LIMCH1: variants seen among roughly 807,000 people sequenced by gnomAD.
The protein encoded by LIMCH1 is LIM and calponin homology domains 1.
Under a neutral mutation model 176.5 loss-of-function variants are expected in LIMCH1, and 113 were observed. The observed-to-expected ratio is 0.64, with a 90% CI of 0.55 to 0.75. The LOEUF (loss-of-function observed/expected upper bound fraction) is 0.75. LIMCH1 is among the 30% of genes least tolerant of loss of function. The pLI, the probability that LIMCH1 is intolerant of heterozygous loss-of-function variation, is 0.00. For missense variants in LIMCH1, 1,674 were observed against 1,814.9 expected (o/e 0.92, Z 1.41); for synonymous variants, 619 against 645.9 (o/e 0.96, Z 0.63).
chr4:41,637,189 C>CT (rs369383721), intron 13 of LIMCH1, among the ~76,000 whole-genome samples: 1 of 112,518 alleles, frequency 8.9e-6, no homozygotes, highest in Non-Finnish European at 2.0e-5. Flanking sequence ...TTTCCTTTTC[C>CT]TTTCCTTTCC....
rs1302547339 is a variant in LIMCH1 at position 41,460,455 on chromosome 4, C to CATATATATATATATATATATATATATAT, written c.97-34079_97-34078insATATATATATATATATATATATATATAT. On this transcript the variant is annotated intron_variant, in intron 1 of 26. Transcript: ENST00000313860. ...GGTAAATTTGTTCCACTATAGTAAT[C>CATATATATATATATATATATATATATAT]ATCTATATATATATATATATATATC... Among the ~76,000 whole-genome samples the CATATATATATATATATATATATATATAT allele has an allele frequency of 2.8e-4, 26 of 92,158 alleles. 1 individual carries two copies. Among genetic ancestry groups the CATATATATATATATATATATATATATAT allele is most frequent in the Non-Finnish European group, 3.8e-4 (19 of 49,644 alleles). The allele number at this position is 92,158 out of a possible 152,430, so 60.5% of individuals were successfully genotyped here.
intron 1 of LIMCH1, among the ~76,000 whole-genome samples, chr4:41,547,244 G>GGAAC (rs2079564613): frequency 6.6e-6 from 1 of 152,016 alleles, no homozygotes; most frequent in South Asian, 2.1e-4. Flanking sequence ...ATAGATCACT[G>GGAAC]GAACATACTC....
intron 23 of LIMCH1, among the ~76,000 whole-genome samples, chr4:41,677,760 C>T (rs1472557714): frequency 1.3e-5 from 2 of 152,094 alleles, no homozygotes; most frequent in African/African-American, 4.8e-5. Context: ...GGTGTCAAGA[C>T]CAGATTCAAA....
Position 41,450,582 on chromosome 4 carries a change from A to G in LIMCH1, c.97-43954A>G, listed in dbSNP as rs1252151920. The stretch of plus-strand genomic sequence containing the variant: ...TTTGGGAGGCTGAGGCGGGCGGATC[A>G]CTTGAGGTCAGGAGTTCGCCTGGTC... On this transcript the variant is annotated intron_variant, in intron 1 of 26. Coordinates refer to the LIMCH1 transcript ENST00000313860. Among the ~76,000 whole-genome samples, 3 of 152,004 alleles carry G rather than the reference A, an allele frequency of 2.0e-5. No homozygotes were observed. In the South Asian group the frequency reaches 6.3e-4, roughly 32 times the overall value.
In LIMCH1 at chr4:41,406,429, G is replaced by A. The variant is rs576786404; in HGVS notation, c.96+45493G>A. 3.3e-5 allele frequency among the ~76,000 whole-genome samples: 5 copies of A among 152,232 alleles called. No individual in the cohort carries two copies. In the South Asian group the frequency reaches 6.2e-4, roughly 19 times the overall value. Reference sequence around the variant, plus strand: ...CTGTGTACTTAGAGGGCTGACTGACGCACAGGGAAATATTTCACCATGAAT... The same window carrying A: ...CTGTGTACTTAGAGGGCTGACTGACACACAGGGAAATATTTCACCATGAAT... On this transcript the variant is annotated intron_variant, in intron 1 of 26. Coordinates refer to the LIMCH1 transcript ENST00000313860.
At chr4:41,622,645 T>C (rs2092670631) in intron 7 of LIMCH1, among the ~76,000 whole-genome samples, 1 of 152,190 alleles carries the variant, frequency 6.6e-6, no homozygotes, top group African/African-American at 2.4e-5. Flanking sequence ...ACGTTTATTT[T>C]ATTAAAAACT....
chr4:41,694,374 G>C lies in LIMCH1; in HGVS notation c.4378+1990G>C, dbSNP rs562592976. Among the ~76,000 whole-genome samples, 18 of 152,258 alleles carry C rather than the reference G, an allele frequency of 1.2e-4. No homozygotes were observed. In the South Asian group the frequency reaches 3.7e-3, roughly 32 times the overall value. On this transcript the variant is annotated intron_variant, in intron 31 of 31. Coordinates refer to ENST00000503057, the MANE Select transcript of LIMCH1 (RefSeq NM_001330672.2). ...TGGGGTAGGGGCAGAATATATGTTT[G>C]TACATGTGTATGCACACACTTGCAC...
rs771875622 is a variant in LIMCH1 at position 41,662,891 on chromosome 4, C to T, written c.3198C>T (p.Ser1066=). The T allele has an allele frequency of 6.2e-7, 1 of 1,613,938 alleles. No individual in the cohort carries two copies. The highest frequency in any genetic ancestry group is 1.7e-5 in the Admixed American group (1 of 59,992). The change falls in exon 20 of 32, where the codon AGC becomes AGT. Residue 1066 remains serine, a synonymous_variant. Transcript: ENST00000503057. ...TGGCCTTTGTGGAATTTCCCTCCAG[C>T]CCCCAGCTGAAGAATGATGTGTCGG... is the stretch of plus-strand genomic sequence containing the variant. ...PTVAFVEFPS[S]PQLKNDVSEE... is the part of the protein sequence containing the mutation.
intron 3 of LIMCH1, among the ~76,000 whole-genome samples, chr4:41,526,868 G>T (rs1308872516): frequency 6.6e-6 from 1 of 152,172 alleles, no homozygotes; most frequent in Non-Finnish European, 1.5e-5. Context: ...CTACTTGTCT[G>T]CATTTCCTTG....
intron 1 of LIMCH1, among the ~76,000 whole-genome samples, chr4:41,596,552 A>G (rs925118008): frequency 2.6e-5 from 4 of 152,256 alleles, no homozygotes; most frequent in Non-Finnish European, 5.9e-5. Flanking sequence ...ATTTAAATTC[A>G]GCGACAGGAT....
chr4:41,532,206 C>T (rs1471149862), intron 3 of LIMCH1, among the ~76,000 whole-genome samples: 2 of 152,162 alleles, frequency 1.3e-5, no homozygotes, highest in Non-Finnish European at 2.9e-5. Flanking sequence ...GTGCATTCCA[C>T]CTGCATTCAA....
chr4:41,499,924 G>T (rs1049942634), intron 2 of LIMCH1, among the ~76,000 whole-genome samples: 6 of 152,188 alleles, frequency 3.9e-5, no homozygotes, highest in African/African-American at 1.4e-4. Context: ...AGTCTTTTGT[G>T]TCTTTCATGA....
chr4:41,405,032 T>G (rs2058823593), intron 1 of LIMCH1, among the ~76,000 whole-genome samples: 1 of 152,200 alleles, frequency 6.6e-6, no homozygotes, highest in Non-Finnish European at 1.5e-5. Flanking sequence ...CAATTTTTAG[T>G]TGCACTCAGG....
At chr4:41,653,665 G>T (rs543970230) in intron 18 of LIMCH1, among the ~76,000 whole-genome samples, 1 of 152,254 alleles carries the variant, frequency 6.6e-6, no homozygotes, top group African/African-American at 2.4e-5. Flanking sequence ...CATGAATTCA[G>T]GAATGGAGGG....
At position 41,667,983 on chromosome 4, in the gene LIMCH1, AT is replaced by A. The variant is rs1194002006; in HGVS notation, c.3397+1321del. On this transcript the variant is annotated intron_variant, in intron 21 of 31. Coordinates refer to ENST00000503057, the MANE Select transcript of LIMCH1 (RefSeq NM_001330672.2). ...TTGTCGCTACCAAAAAAAAAAAAAA[AT>A]TTTAAATATAAACATTTTTTAAAAA... 8.8e-3 allele frequency among the ~76,000 whole-genome samples: 1,302 copies of A among 147,236 alleles called. 20 individuals carry two copies. The highest frequency in any genetic ancestry group is 0.032 in the African/African-American group (1,235 of 39,204).
chr4:41,612,926 A>G, intron 4 of LIMCH1: 1 of 1,479,988 alleles, frequency 6.8e-7, no homozygotes, highest in Non-Finnish European at 9.0e-7. Context: ...CCTTCAAGGT[A>G]GCAGGAGATG....
At chr4:41,602,202 C>T (rs1055240329) in intron 2 of LIMCH1, among the ~76,000 whole-genome samples, 1 of 150,778 alleles carries the variant, frequency 6.6e-6, no homozygotes, top group African/African-American at 2.4e-5. Context: ...TGAACTCTAC[C>T]TGTAATGGAT....
intron 2 of LIMCH1, among the ~76,000 whole-genome samples, chr4:41,603,360 A>G (rs1341024559): frequency 6.6e-6 from 1 of 152,200 alleles, no homozygotes; most frequent in Non-Finnish European, 1.5e-5. Context: ...TTTCCTGCTT[A>G]TGGCTTATTC....
chr4:41,614,362 G>C (rs1361477387), intron 5 of LIMCH1, among the ~76,000 whole-genome samples: 1 of 152,176 alleles, frequency 6.6e-6, no homozygotes, highest in Non-Finnish European at 1.5e-5. Context: ...TTTTTCAGAA[G>C]CCATTTGTCT....
Sources: allele counts gnomAD v4.1 joint callset (sites outside exome capture counted in the v4.1 genomes callset), GRCh38; gene constraint gnomAD v4.1.1; transcripts MANE v1.5; gene names NCBI Gene and HGNC (gene_info 2026-07-23, HGNC 2026-07-21).